FRMPD4: variants seen among roughly 807,000 people sequenced by gnomAD.
FRMPD4 encodes FERM and PDZ domain-containing protein 4.
In FRMPD4, 22 loss-of-function variants were observed where a neutral mutation model predicts 94.1. The ratio of observed to expected loss-of-function variants is 0.23; its 90% CI spans 0.17 to 0.33. The LOEUF is 0.33. Ranked by LOEUF, FRMPD4 falls within the 10% of genes least tolerant of loss-of-function variation. The probability of loss-of-function intolerance (pLI) is 1.00; values close to 1 mark genes in which losing one functional copy is unlikely to be tolerated. For missense variants in FRMPD4, 1,111 were observed against 1,339.9 expected, an observed-to-expected ratio of 0.83 and a Z score of 2.67; for synonymous variants, 631 against 548.6, an observed-to-expected ratio of 1.15 and a Z score of -2.10.
At chrX:12,243,348 A>G (rs749139893) in intron 1 of FRMPD4, among the ~76,000 whole-genome samples, 27 of 112,823 alleles carry the variant, frequency 2.4e-4, no homozygotes, top group African/African-American at 8.4e-4. Context: ...CAAGATATTT[A>G]AACAACTCAA....
chrX:12,251,604 C>T (rs1004353233), intron 1 of FRMPD4, among the ~76,000 whole-genome samples: 1 of 112,134 alleles, frequency 8.9e-6, no homozygotes, highest in South Asian at 3.8e-4. Flanking sequence ...CCTCTCCCTC[C>T]TGGGCTGCTT....
chrX:12,482,287 G>C (rs1021883882), intron 1 of FRMPD4, among the ~76,000 whole-genome samples: 1 of 112,120 alleles, frequency 8.9e-6, no homozygotes, highest in Non-Finnish European at 1.9e-5. Context: ...TGCGGAAGAA[G>C]AGACTCATTT....
At chrX:12,265,752 A>AC (rs369724980) in intron 1 of FRMPD4, among the ~76,000 whole-genome samples, 11,864 of 105,171 alleles carry the variant, frequency 0.11, 620 homozygotes, top group African/African-American at 0.16. Context: ...TCAGTTAAGA[A>AC]CCCCCCCCCA....
At chrX:12,719,623 T>A (rs1433703645) in intron 16 of FRMPD4, among the ~76,000 whole-genome samples, 1 of 112,257 alleles carries the variant, frequency 8.9e-6, no homozygotes, top group East Asian at 2.8e-4. Flanking sequence ...CCTGTTCTTT[T>A]AAGATTTTCT....
chrX:12,009,113 T>C (rs2054568624), intron 3 of FRMPD4, among the ~76,000 whole-genome samples: 2 of 112,043 alleles, frequency 1.8e-5, no homozygotes, highest in Non-Finnish European at 3.8e-5. Flanking sequence ...TCTGTAACTG[T>C]AAAGAATGTG....
At chrX:12,527,593 T>C (rs1346252696) in intron 2 of FRMPD4, among the ~76,000 whole-genome samples, 1 of 109,399 alleles carries the variant, frequency 9.1e-6, no homozygotes, top group East Asian at 2.9e-4. Context: ...CTGCTTTGCA[T>C]TTCTGAGAAC....
intron 1 of FRMPD4, among the ~76,000 whole-genome samples, chrX:12,400,853 AC>A (rs1185153160): frequency 8.9e-6 from 1 of 112,289 alleles, no homozygotes; most frequent in Non-Finnish European, 1.9e-5. Context: ...CAACAGTTAA[AC>A]AAACTACACA....
At chrX:12,064,849 C>T (rs752510189) in intron 3 of FRMPD4, among the ~76,000 whole-genome samples, 58 of 111,975 alleles carry the variant, frequency 5.2e-4, no homozygotes, top group Non-Finnish European at 1.0e-3. Flanking sequence ...ATTAATATAA[C>T]AGTTTTTAAT....
chrX:12,267,923 C>G (rs2054298376), intron 1 of FRMPD4, among the ~76,000 whole-genome samples: 1 of 112,779 alleles, frequency 8.9e-6, no homozygotes, highest in South Asian at 3.6e-4. Context: ...TCATTTTTGG[C>G]AAAAGCAGTG....
intron 6 of FRMPD4, among the ~76,000 whole-genome samples, chrX:12,684,505 C>T (rs747128963): frequency 2.7e-5 from 3 of 111,548 alleles, no homozygotes; most frequent in Non-Finnish European, 5.7e-5. Flanking sequence ...AGGGCTGCTC[C>T]ACTTGGGGTC....
chrX:12,212,457 A>AG (rs2056765247), intron 1 of FRMPD4, among the ~76,000 whole-genome samples: 1 of 111,500 alleles, frequency 9.0e-6, no homozygotes, highest in African/African-American at 3.3e-5. Flanking sequence ...AGTTAGGAAC[A>AG]GCACCATGGG....
Position 12,716,177 on chromosome X carries a change from T to A in FRMPD4, c.1718T>A (p.Ile573Lys). ...GAACAAGAAGCCCAGATAACATACA[T>A]AGATTCAAAGCAGAAGACGGTGGAG... is the stretch of plus-strand genomic sequence containing the variant. ...EGEQEAQITY[I>K]DSKQKTVEIT... Residue 573 changes from isoleucine (I) to lysine (K), a missense_variant, in exon 15 of 17, where the codon ATA (isoleucine) becomes AAA (lysine). This residue lies in a region of FRMPD4 where 192 missense variants were observed against 192.5 expected (regional missense o/e 1.00). Coordinates refer to ENST00000675598, the MANE Select transcript of FRMPD4 (RefSeq NM_001368397.1). 1 of 1,206,697 alleles carries A rather than the reference T, an allele frequency of 8.3e-7. No individual in the cohort carries two copies. The highest frequency in any genetic ancestry group is 3.0e-5 in the East Asian group (1 of 33,822).
intron 1 of FRMPD4, among the ~76,000 whole-genome samples, chrX:12,204,007 TACAAAA>T (rs1569190492): frequency 3.6e-5 from 4 of 112,674 alleles, no homozygotes; most frequent in Non-Finnish European, 7.5e-5. Context: ...TTTGTTCTTA[TACAAAA>T]ACATAAATGA....
chrX:11,970,694 G>GTGAAATGA, intron 3 of FRMPD4, among the ~76,000 whole-genome samples: 1 of 111,949 alleles, frequency 8.9e-6, no homozygotes, highest in Non-Finnish European at 1.9e-5. Context: ...CTTCAGCTGT[G>GTGAAATGA]TGAAATGATT....
At chrX:11,881,642 T>C (rs1177289522) in intron 3 of FRMPD4, among the ~76,000 whole-genome samples, 1 of 111,094 alleles carries the variant, frequency 9.0e-6, no homozygotes, top group Non-Finnish European at 1.9e-5. Context: ...GGATTAGGGG[T>C]TGGAGGAGGG....
intron 2 of FRMPD4, among the ~76,000 whole-genome samples, chrX:12,608,998 C>T (rs1318268454): frequency 8.9e-6 from 1 of 112,274 alleles, no homozygotes; most frequent in Non-Finnish European, 1.9e-5. Flanking sequence ...AGAAGTCTTA[C>T]CAATAACATA....
chrX:12,512,637 A>G (rs1230900921), intron 2 of FRMPD4, among the ~76,000 whole-genome samples: 2 of 112,430 alleles, frequency 1.8e-5, no homozygotes. Flanking sequence ...GGGCATTTAG[A>G]TTGATTCCAT....
At chrX:12,486,457 C>G (rs780285962) in intron 1 of FRMPD4, among the ~76,000 whole-genome samples, 1 of 112,545 alleles carries the variant, frequency 8.9e-6, no homozygotes, top group South Asian at 3.7e-4. Context: ...ATAAAGGTAA[C>G]AGCTAGCTGC....
At position 12,462,279 on chromosome X, in the gene FRMPD4, G is replaced by C. The variant is rs774855580; in HGVS notation, c.42-36401G>C. On this transcript the variant is annotated intron_variant, in intron 1 of 16. Transcript: ENST00000675598. ...TATTTTATAAATGAAAGAATGAATA[G>C]AGTGCAAGGAAGAAGCATAAGATGA... 9.8e-5 allele frequency among the ~76,000 whole-genome samples: 11 copies of C among 112,108 alleles called. No individual in the cohort carries two copies. The South Asian group carries it at 1.5e-3, about 15-fold the overall frequency.
Sources: gnomAD v4.1 joint callset for allele counts (sites outside exome capture counted in the v4.1 genomes callset) on GRCh38, gnomAD v4.1.1 for gene constraint, gnomAD v4.1.1 regional missense constraint, MANE v1.5 for transcripts, NCBI Gene and HGNC (gene_info 2026-07-23, HGNC 2026-07-21) for gene names.